Variants in RASGEF1B observed in about 807,000 individuals in gnomAD.
RASGEF1B encodes the protein RasGEF domain family member 1B.
Under a neutral mutation model 65.7 loss-of-function variants are expected in RASGEF1B, and 30 were observed. The ratio of observed to expected loss-of-function variants is 0.46; its 90% CI spans 0.34 to 0.62. The LOEUF (loss-of-function observed/expected upper bound fraction) is 0.62. RASGEF1B is among the 20% of genes least tolerant of loss of function. The pLI is 0.01. For synonymous variants in RASGEF1B, 175 were observed against 194.8 expected (o/e 0.90, Z 0.85); for missense variants, 495 against 580.1 (o/e 0.85, Z 1.51).
intron 8 of RASGEF1B, 96 bp from the exon 9 acceptor site, chr4:81,442,472 AAGTG>A (rs1721875834): frequency 1.4e-6 from 1 of 731,622 alleles, no homozygotes; most frequent in South Asian, 1.6e-5. Context: ...TTTCATTACT[AAGTG>A]AGAATTCTAA....
intron 4 of RASGEF1B, chr4:81,456,410 G>A (rs1332442686): frequency 3.2e-6 from 2 of 627,240 alleles, no homozygotes; most frequent in Non-Finnish European, 5.7e-6. Context: ...TCCTGTGCAT[G>A]AGTTGACATG....
rs1280029252 is a variant in RASGEF1B at position 81,427,539 on chromosome 4, T to C, written c.*229A>G. ...GATTTTTAGAGGATTCTTTCTCAAG[T>C]GTCTTCAGTGAACATTTCAGTCTCA... On this transcript the variant is annotated 3_prime_UTR_variant, in exon 14 of 14. Coordinates refer to ENST00000264400, the MANE Select transcript of RASGEF1B (RefSeq NM_152545.3). 3 of 472,536 alleles carry C rather than the reference T, an allele frequency of 6.3e-6. No individual in the cohort carries two copies. The highest frequency in any genetic ancestry group is 4.2e-5 in the South Asian group (1 of 24,036). The allele number at this position is 472,536 out of a possible 1,614,324, so 29.3% of individuals were successfully genotyped here.
chr4:81,437,508 T>C (rs891208698), intron 10 of RASGEF1B, among the ~76,000 whole-genome samples: 1 of 152,240 alleles, frequency 6.6e-6, no homozygotes, highest in Non-Finnish European at 1.5e-5. Context: ...ATTTTTGTGC[T>C]CTATTCTTTG....
intron 2 of RASGEF1B, 161 bp downstream of exon 2, chr4:81,459,171 T>G: frequency 1.6e-6 from 1 of 612,730 alleles, no homozygotes; most frequent in Non-Finnish European, 2.8e-6. Context: ...TTATCCAGGC[T>G]CGATTTGATT....
Position 81,459,351 on chromosome 4 carries a change from T to C in RASGEF1B, c.158A>G (p.Asn53Ser). The part of the protein sequence containing the change: ...LEALIQHLVP[N>S]VDYYPDRTYI... The stretch of plus-strand genomic sequence containing the variant: ...ACCTACATCTGGATAGTAATCCACA[T>C]TAGGTACTAAGTGCTGGATGAGTGC... The change falls in exon 2 of 14, where the codon AAT becomes AGT. Residue 53 changes from asparagine (N) to serine (S), a missense_variant. Asn to Ser is a conservative substitution (Grantham distance 46). Coordinates refer to ENST00000264400, the MANE Select transcript of RASGEF1B (RefSeq NM_152545.3). The C allele has an allele frequency of 6.3e-7, 1 of 1,598,298 alleles. No homozygotes were observed. Among genetic ancestry groups the C allele is most frequent in the Non-Finnish European group, 8.5e-7 (1 of 1,175,572 alleles).
intron 1 of RASGEF1B, among the ~76,000 whole-genome samples, chr4:81,466,770 A>AAAAAAAAAAAAG (rs748492254): frequency 2.8e-5 from 1 of 36,100 alleles, no homozygotes; most frequent in Non-Finnish European, 5.3e-5. Context: ...AAAAAAAAAA[A>AAAAAAAAAAAAG]AAAGAAAGAA....
At chr4:81,443,402 A>C (rs1721915213) in intron 8 of RASGEF1B, among the ~76,000 whole-genome samples, 1 of 152,194 alleles carries the variant, frequency 6.6e-6, no homozygotes, top group African/African-American at 2.4e-5. Context: ...AGCACATTTC[A>C]TGACCCCAGA....
chr4:81,464,585 A>C (rs1722744730), intron 1 of RASGEF1B, among the ~76,000 whole-genome samples: 1 of 152,220 alleles, frequency 6.6e-6, no homozygotes, highest in Admixed American at 6.5e-5. Context: ...TAGGGAGATC[A>C]CAAACCTCTC....
chr4:81,456,112 C>A, intron 4 of RASGEF1B: 1 of 182,918 alleles, frequency 5.5e-6, no homozygotes, highest in Non-Finnish European at 1.1e-5. Context: ...CTGTATTTCC[C>A]TTTTACCTGG....
At chr4:81,466,769 AAAAAGAAAGAAAGAAAGAAAGAAAG>A (rs1722832177) in intron 1 of RASGEF1B, among the ~76,000 whole-genome samples, 7 of 132,902 alleles carry the variant, frequency 5.3e-5, no homozygotes, top group South Asian at 4.8e-4. Context: ...AAAAAAAAAA[AAAAAGAAAGAAAGAAAGAAAGAAAG>A]AAAGAAAGAA....
intron 13 of RASGEF1B, among the ~76,000 whole-genome samples, chr4:81,429,688 C>T (rs1362949802): frequency 1.3e-5 from 2 of 152,190 alleles, no homozygotes; most frequent in African/African-American, 4.8e-5. Context: ...GGCGAGTCGT[C>T]GAGAGGACAT....
intron 4 of RASGEF1B, among the ~76,000 whole-genome samples, chr4:81,448,858 A>C (rs1292877688): frequency 1.3e-5 from 2 of 152,096 alleles, no homozygotes; most frequent in Admixed American, 1.3e-4. Flanking sequence ...TCTGTTGCCT[A>C]GGCTGGAGTG....
At chr4:81,449,300 G>C (rs926759683) in intron 4 of RASGEF1B, among the ~76,000 whole-genome samples, 14 of 152,136 alleles carry the variant, frequency 9.2e-5, no homozygotes, top group Admixed American at 8.5e-4. Context: ...GTGCCACTTT[G>C]TTTGCTACTT....
chr4:81,435,359 C>G (rs867287575), intron 10 of RASGEF1B, among the ~76,000 whole-genome samples: 1 of 141,390 alleles, frequency 7.1e-6, no homozygotes, highest in Non-Finnish European at 1.5e-5. Context: ...TGCAGTGAGC[C>G]GAGATTGCGC....
intron 4 of RASGEF1B, among the ~76,000 whole-genome samples, chr4:81,450,533 TTTG>T (rs3044364): frequency 5.3e-5 from 8 of 150,976 alleles, no homozygotes; most frequent in East Asian, 1.9e-4. Flanking sequence ...ACCCAGCTAA[TTTG>T]TTGTTGTTGT....
At chr4:81,470,222 TTC>T (rs1304654859) in intron 1 of RASGEF1B, among the ~76,000 whole-genome samples, 1 of 152,220 alleles carries the variant, frequency 6.6e-6, no homozygotes, top group African/African-American at 2.4e-5. Context: ...TAATTTTTAT[TTC>T]TTTTTATTAA....
At chr4:81,447,338 G>A (rs953830093) in intron 6 of RASGEF1B, among the ~76,000 whole-genome samples, 166 bp downstream of exon 6, 2 of 151,956 alleles carry the variant, frequency 1.3e-5, no homozygotes, top group Admixed American at 1.3e-4. Context: ...TGGAGACCTC[G>A]CTCAAGAAAA....
chr4:81,426,594 A>T lies in RASGEF1B; in HGVS notation c.*1174T>A, dbSNP rs920836616. 2 of 152,202 alleles carry T rather than the reference A, an allele frequency of 1.3e-5. No homozygotes were observed. Among genetic ancestry groups the T allele is most frequent in the Admixed American group, 1.3e-4 (2 of 15,282 alleles). The allele number at this position is 152,202 out of a possible 1,614,324, so 9.4% of individuals were successfully genotyped here. On this transcript the variant is annotated 3_prime_UTR_variant, in exon 14 of 14. Coordinates refer to ENST00000264400, the MANE Select transcript of RASGEF1B (RefSeq NM_152545.3). ...ATTACTACTCTACAGTTTCTTCTAG[A>T]GTAAATAAATATAATGGCTGTTTGC...
intron 13 of RASGEF1B, among the ~76,000 whole-genome samples, chr4:81,428,868 G>A (rs931730361): frequency 1.3e-5 from 2 of 152,218 alleles, no homozygotes; most frequent in Non-Finnish European, 2.9e-5. Context: ...ACCAAGGGAT[G>A]ATTATGCTTA....
Sources: allele counts gnomAD v4.1 joint callset (sites outside exome capture counted in the v4.1 genomes callset), GRCh38; gene constraint gnomAD v4.1.1; transcripts MANE v1.5; gene names NCBI Gene and HGNC (gene_info 2026-07-23, HGNC 2026-07-21).